ZMYND8: variants seen among roughly 807,000 people sequenced by gnomAD.
ZMYND8 encodes the protein MYND-type zinc finger-containing chromatin reader ZMYND8.
ZMYND8 carries 37 observed loss-of-function variants against 140.8 expected under a neutral mutation model. The ratio of observed to expected loss-of-function variants is 0.26; its 90% CI spans 0.20 to 0.35. ZMYND8 has a LOEUF of 0.35. Ranked by LOEUF, ZMYND8 falls within the 10% of genes least tolerant of loss-of-function variation. ZMYND8 has a pLI of 1.00. For synonymous variants in ZMYND8, 592 were observed against 597.1 expected (o/e 0.99, Z 0.12); for missense variants, 1,068 against 1,570.0 (o/e 0.68, Z 5.40).
rs547511703 is a variant in ZMYND8 at position 47,246,501 on chromosome 20, C to T, written c.1791G>A (p.Ser597=). ...GCTCTACGGCCGTATAGACATCTTCCGAGATTTCATTTATGCCTAAATTCA... is the reference window on the plus strand; with the variant it reads ...GCTCTACGGCCGTATAGACATCTTCTGAGATTTCATTTATGCCTAAATTCA... ...CKAQLGINEI[S]EDVYTAVEHS... is the part of the protein sequence containing the mutation. The change falls in exon 14 of 23, where the codon TCG becomes TCA. Residue 597 remains serine (S), a synonymous_variant. Transcript: ENST00000471951. The T allele has an allele frequency of 1.8e-5, 29 of 1,577,122 alleles. No individual in the cohort carries two copies. Among genetic ancestry groups the T allele is most frequent in the Admixed American group, 7.7e-5 (4 of 52,256 alleles).
At chr20:47,343,521 T>A (rs113589584) in intron 2 of ZMYND8, among the ~76,000 whole-genome samples, 50 of 149,328 alleles carry the variant, frequency 3.3e-4, no homozygotes, top group Non-Finnish European at 5.2e-4. Flanking sequence ...GAATTCTAAA[T>A]TTTTTTTTTT....
At position 47,300,882 on chromosome 20, in the gene ZMYND8, TTTTGTGTG is replaced by T. The variant is rs1295160784; in HGVS notation, c.235-1943_235-1936del. 3.3e-5 allele frequency among the ~76,000 whole-genome samples: 4 copies of T among 120,706 alleles called. No homozygotes were observed. The East Asian group carries it at 7.2e-4, about 22-fold the overall frequency. The allele number at this position is 120,706 out of a possible 152,430, so 79.2% of individuals were successfully genotyped here. ...GGTGAGCGCCACCATGCACAACTAA[TTTTGTGTG>T]TGTGTGTGTGTGTGTGTGTGTGTGT... is the stretch of plus-strand genomic sequence containing the variant. On this transcript the variant is annotated intron_variant, in intron 3 of 22. Transcript: ENST00000471951.
At chr20:47,218,959 G>C (rs2036521891) in intron 21 of ZMYND8, among the ~76,000 whole-genome samples, 1 of 151,612 alleles carries the variant, frequency 6.6e-6, no homozygotes, top group Admixed American at 6.6e-5. Context: ...GCTCACGCCT[G>C]TAATCCCAGC....
Position 47,210,530 on chromosome 20 carries a change from C to A in ZMYND8, c.*231G>T, listed in dbSNP as rs2035095653. On this transcript the variant is annotated 3_prime_UTR_variant, in exon 23 of 23. Coordinates refer to ENST00000471951, the MANE Select transcript of ZMYND8 (RefSeq NM_001281775.3). Reference sequence around the variant, plus strand: ...GATTCAATGACATCCACAAATTGTACATTATTTACACCAAAAGCACAGGGC... The same window carrying A: ...GATTCAATGACATCCACAAATTGTAAATTATTTACACCAAAAGCACAGGGC... The A allele has an allele frequency of 6.8e-6, 3 of 439,102 alleles. No homozygotes were observed. The highest frequency in any genetic ancestry group is 4.1e-5 in the African/African-American group (2 of 48,494). 27.2% of individuals were successfully genotyped at this position (439,102 alleles called of 1,614,324 possible). A position where few individuals can be genotyped will look rare whatever the true frequency, so the allele number is the denominator to read the frequency against.
rs2036758270 is a variant in ZMYND8 at position 47,220,321 on chromosome 20, GGGTCTA to G, written c.3418-3_3420del. On this transcript the variant is annotated splice_acceptor_variant and splice_polypyrimidine_tract_variant and coding_sequence_variant and intron_variant, in exon 21 of 23. Coordinates refer to ENST00000471951, the MANE Select transcript of ZMYND8 (RefSeq NM_001281775.3). LOFTEE classifies it high-confidence loss of function. ...GTCTCTCTGGAGCCAGAAAGGTCAA[GGGTCTA>G]GAAATACAAAAAGAAAAAGATGGAC... The G allele has an allele frequency of 1.3e-6, 2 of 1,557,652 alleles. No individual in the cohort carries two copies.
At chr20:47,326,607 CCTCCGTAGATCCTCAGT>C (rs998183992) in intron 2 of ZMYND8, among the ~76,000 whole-genome samples, 1 of 152,144 alleles carries the variant, frequency 6.6e-6, no homozygotes, top group African/African-American at 2.4e-5. Flanking sequence ...TTTTCCAAAA[CCTCCGTAGATCCTCAGT>C]CTCCCTCTGG....
chr20:47,352,263 G>A (rs1174260736), intron 1 of ZMYND8, among the ~76,000 whole-genome samples: 3 of 152,174 alleles, frequency 2.0e-5, no homozygotes, highest in Admixed American at 6.5e-5. Flanking sequence ...AGTGCTTCAA[G>A]GACAGCAGGC....
chr20:47,343,520 A>AT (rs1030453577), intron 2 of ZMYND8, among the ~76,000 whole-genome samples: 174 of 149,676 alleles, frequency 1.2e-3, no homozygotes, highest in African/African-American at 3.7e-3. Flanking sequence ...AGAATTCTAA[A>AT]TTTTTTTTTT....
rs2082168345 is a variant in ZMYND8, at chr20:47,344,373, T to C, written c.85+3483A>G. On this transcript the variant is annotated intron_variant, in intron 2 of 22. Transcript: ENST00000471951. ...TAGTCTTCTTCCTCCCCAAAACCCA[T>C]AACCACAGTTTACCAGAGTCTAATC... Among the ~76,000 whole-genome samples the C allele has an allele frequency of 2.0e-5, 3 of 152,286 alleles. No individual in the cohort carries two copies. In the South Asian group the frequency reaches 6.2e-4, roughly 32 times the overall value.
chr20:47,351,669 G>C (rs2082793233), intron 1 of ZMYND8: 1 of 985,040 alleles, frequency 1.0e-6, no homozygotes, highest in South Asian at 4.7e-5. Flanking sequence ...AATTGGGGTG[G>C]GGGGGAATGG....
intron 2 of ZMYND8, among the ~76,000 whole-genome samples, chr20:47,331,631 C>T (rs1026380425): frequency 2.0e-5 from 3 of 152,100 alleles, no homozygotes; most frequent in Non-Finnish European, 2.9e-5. Flanking sequence ...TCAGCAACTC[C>T]AGCATTTAAT....
intron 14 of ZMYND8, among the ~76,000 whole-genome samples, chr20:47,245,590 G>A (rs1282523038): frequency 6.6e-6 from 1 of 152,200 alleles, no homozygotes; most frequent in African/African-American, 2.4e-5. Flanking sequence ...AAAAGAGAAT[G>A]AGATGTCTGT....
chr20:47,332,183 C>T (rs554998314), intron 2 of ZMYND8, among the ~76,000 whole-genome samples: 4 of 152,236 alleles, frequency 2.6e-5, no homozygotes, highest in East Asian at 3.9e-4. Flanking sequence ...TGGTGACGTG[C>T]GCCTATAATC....
At chr20:47,270,443 C>G (rs2075847463) in intron 11 of ZMYND8, among the ~76,000 whole-genome samples, 1 of 147,822 alleles carries the variant, frequency 6.8e-6, no homozygotes, top group Non-Finnish European at 1.5e-5. Flanking sequence ...CAAGGTTAAG[C>G]TTTAAAAAAA....
In ZMYND8 at chr20:47,268,641, G is replaced by A. The variant is rs572203342; in HGVS notation, c.1481-6213C>T. On this transcript the variant is annotated intron_variant, in intron 11 of 22. Coordinates refer to ENST00000471951, the MANE Select transcript of ZMYND8 (RefSeq NM_001281775.3). ...AAAATACAACAAGCAGTCAGGCGTGGTGGTACACGCCTGTAACCCCAGCTG... is the reference window on the plus strand; with the variant it reads ...AAAATACAACAAGCAGTCAGGCGTGATGGTACACGCCTGTAACCCCAGCTG... Among the ~76,000 whole-genome samples the A allele has an allele frequency of 9.8e-4, 149 of 151,886 alleles. 3 individuals carry two copies. The South Asian group carries it at 0.03, about 31-fold the overall frequency.
In ZMYND8 at chr20:47,249,324, A is replaced by G. The variant is rs373551114; in HGVS notation, c.1737T>C (p.Asn579=). Residue 579 remains asparagine (N), a synonymous_variant, in exon 13 of 23, where the codon AAT becomes AAC. Transcript: ENST00000471951. ...KRQIRSRFQL[N]LDKTIESCKA... ...TGCAACTCTCTATGGTCTTGTCAAG[A>G]TTCAGCTGGAACCTGCTACGAATCT... 4.6e-5 allele frequency: 75 copies of G among 1,613,930 alleles called. No individual in the cohort carries two copies. Among genetic ancestry groups the G allele is most frequent in the Non-Finnish European group, 6.1e-5 (72 of 1,180,030 alleles).
At chr20:47,240,267 CACTT>C (rs971305147) in intron 14 of ZMYND8, among the ~76,000 whole-genome samples, 1 of 151,822 alleles carries the variant, frequency 6.6e-6, no homozygotes, top group African/African-American at 2.4e-5. Context: ...GTAATCCCAA[CACTT>C]TAGGAGGCTG....
At chr20:47,227,620 T>G (rs1477112750) in intron 17 of ZMYND8, among the ~76,000 whole-genome samples, 3 of 150,312 alleles carry the variant, frequency 2.0e-5, no homozygotes, top group Admixed American at 6.7e-5. Flanking sequence ...AGCTGGATTT[T>G]CACTCTTACA....
chr20:47,216,524 G>GGGCT (rs1568879770), intron 21 of ZMYND8, among the ~76,000 whole-genome samples: 2 of 132,958 alleles, frequency 1.5e-5, no homozygotes, highest in East Asian at 2.3e-4. Context: ...AAAAAGGGCC[G>GGGCT]GGCTGGGCGT....
Sources: allele counts gnomAD v4.1 joint callset (sites outside exome capture counted in the v4.1 genomes callset), GRCh38; gene constraint gnomAD v4.1.1; transcripts MANE v1.5; gene names NCBI Gene and HGNC (gene_info 2026-07-23, HGNC 2026-07-21).